The following EEIG2 variants were observed in gnomAD, a reference collection of about 807,000 sequenced individuals.
EEIG2 encodes EEIG family member 2.
the EEIG2 span, among the ~76,000 whole-genome samples, chr1:108,573,468 A>G: frequency 6.6e-6 from 1 of 152,216 alleles, no homozygotes; most frequent in Non-Finnish European, 1.5e-5. Flanking sequence ...TGGGAAAGGG[A>G]ATAGGCTGGA....
the EEIG2 span, among the ~76,000 whole-genome samples, chr1:108,565,280 T>C: frequency 6.6e-6 from 1 of 152,192 alleles, no homozygotes. Flanking sequence ...GCAAAAGTCA[T>C]AGAGTGTACT....
chr1:108,612,842 G>A, the EEIG2 span, among the ~76,000 whole-genome samples: 4 of 152,144 alleles, frequency 2.6e-5, no homozygotes, highest in Non-Finnish European at 4.4e-5. Context: ...AGTACTTTGC[G>A]CCTAGGAAAC....
At chr1:108,614,629 C>T in the EEIG2 span, among the ~76,000 whole-genome samples, 22 of 152,130 alleles carry the variant, frequency 1.4e-4, no homozygotes, top group African/African-American at 5.1e-4. Flanking sequence ...GGCATGTCCC[C>T]TCTCCTGTCA....
At chr1:108,584,905 A>G in the EEIG2 span, among the ~76,000 whole-genome samples, 3 of 152,140 alleles carry the variant, frequency 2.0e-5, no homozygotes, top group Non-Finnish European at 4.4e-5. Context: ...TAGCCTCAGG[A>G]AGTAGTTAGA....
chr1:108,583,081 A>G, the EEIG2 span, among the ~76,000 whole-genome samples: 1 of 152,216 alleles, frequency 6.6e-6, no homozygotes, highest in Non-Finnish European at 1.5e-5. Context: ...CTTAAAATAT[A>G]GCTTTCCAGT....
chr1:108,566,941 C>G, the EEIG2 span, among the ~76,000 whole-genome samples: 1 of 151,970 alleles, frequency 6.6e-6, no homozygotes, highest in Non-Finnish European at 1.5e-5. Context: ...AGAATGCTGA[C>G]TATAGTTAAT....
the EEIG2 span, among the ~76,000 whole-genome samples, chr1:108,582,798 G>T: frequency 4.8e-3 from 728 of 152,214 alleles, 6 homozygotes; most frequent in African/African-American, 0.016. Context: ...CTTGATAAGC[G>T]CATGAACAGA....
the EEIG2 span, among the ~76,000 whole-genome samples, chr1:108,581,508 T>A: frequency 6.6e-6 from 1 of 152,084 alleles, no homozygotes; most frequent in Non-Finnish European, 1.5e-5. Context: ...TAAGCACATT[T>A]GTGATTTATG....
At chr1:108,623,812 C>T in the EEIG2 span, among the ~76,000 whole-genome samples, 1 of 152,058 alleles carries the variant, frequency 6.6e-6, no homozygotes, top group East Asian at 1.9e-4. Flanking sequence ...GCTGGGACTA[C>T]AGATGCATGC....
chr1:108,566,590 G>A, the EEIG2 span, among the ~76,000 whole-genome samples: 3 of 152,154 alleles, frequency 2.0e-5, no homozygotes, highest in East Asian at 5.8e-4. Flanking sequence ...TATTGTCTTT[G>A]CAGCATTATT....
At chr1:108,562,467 A>T in the EEIG2 span, among the ~76,000 whole-genome samples, 1 of 152,186 alleles carries the variant, frequency 6.6e-6, no homozygotes, top group Admixed American at 6.5e-5. Context: ...GCCATATAGT[A>T]TGGGGGAAAT....
chr1:108,596,857 A>G, the EEIG2 span, among the ~76,000 whole-genome samples: 3 of 151,898 alleles, frequency 2.0e-5, no homozygotes, highest in East Asian at 3.9e-4. Flanking sequence ...TCCTGCCTCA[A>G]CCTTTTGAGT....
the EEIG2 span, among the ~76,000 whole-genome samples, chr1:108,609,336 A>C: frequency 6.6e-6 from 1 of 152,174 alleles, no homozygotes; most frequent in Non-Finnish European, 1.5e-5. Context: ...GGGTCGTTGG[A>C]GGAACAGACA....
chr1:108,585,677 G>A, the EEIG2 span, among the ~76,000 whole-genome samples: 1 of 152,144 alleles, frequency 6.6e-6, no homozygotes, highest in Admixed American at 6.6e-5. Flanking sequence ...TTAATAGTAG[G>A]CTGTGCTGCT....
chr1:108,585,664 A>G, the EEIG2 span, among the ~76,000 whole-genome samples: 11 of 152,246 alleles, frequency 7.2e-5, no homozygotes, highest in African/African-American at 2.6e-4. Context: ...AAGTAGAGCT[A>G]TATTAATAGT....
chr1:108,619,252 T>C, the EEIG2 span, among the ~76,000 whole-genome samples: 1 of 152,292 alleles, frequency 6.6e-6, no homozygotes, highest in East Asian at 1.9e-4. Context: ...AGAAAGACTT[T>C]TGTAATTCAT....
chr1:108,563,629 T>A, the EEIG2 span, among the ~76,000 whole-genome samples: 1 of 152,214 alleles, frequency 6.6e-6, no homozygotes, highest in Non-Finnish European at 1.5e-5. Context: ...TATATTAATA[T>A]ATTTGGCTTT....
At chr1:108,613,034 G>A in the EEIG2 span, among the ~76,000 whole-genome samples, 2 of 152,172 alleles carry the variant, frequency 1.3e-5, no homozygotes, top group South Asian at 2.1e-4. Context: ...CTGAACATAC[G>A]AAAATGTGTA....
At chr1:108,615,968 C>T in the EEIG2 span, among the ~76,000 whole-genome samples, 1 of 152,114 alleles carries the variant, frequency 6.6e-6, no homozygotes, top group Admixed American at 6.6e-5. Context: ...TAGATTAGCA[C>T]AGCCACACAC....
Sources: allele counts gnomAD v4.1 joint callset (sites outside exome capture counted in the v4.1 genomes callset), GRCh38; gene constraint gnomAD v4.1.1; transcripts MANE v1.5; gene names NCBI Gene and HGNC (gene_info 2026-07-23, HGNC 2026-07-21).